The following TENM4 variants were observed in gnomAD, a reference collection of about 807,000 sequenced individuals.
The protein encoded by TENM4 is teneurin transmembrane protein 4.
Under a neutral mutation model 243.3 loss-of-function variants are expected in TENM4, and 82 were observed. That is an observed-to-expected ratio of 0.34 (90% CI 0.28 to 0.40). The LOEUF is 0.40. Ranked by LOEUF, TENM4 falls within the 10% of genes least tolerant of loss-of-function variation. The probability of loss-of-function intolerance (pLI) is 1.00; values close to 1 mark genes in which losing one functional copy is unlikely to be tolerated. For missense variants in TENM4, 3,138 were observed against 3,673.3 expected (o/e 0.85, Z 3.77); for synonymous variants, 1,412 against 1,456.3 (o/e 0.97, Z 0.69).
intron 4 of TENM4, among the ~76,000 whole-genome samples, chr11:79,099,786 C>T (rs79474413): frequency 0.011 from 1,710 of 152,320 alleles, 29 homozygotes; most frequent in South Asian, 0.038. Flanking sequence ...TGACAGAGAG[C>T]ACAGCAAGCT....
chr11:79,133,563 G>A (rs1862052027), intron 4 of TENM4, among the ~76,000 whole-genome samples: 1 of 151,790 alleles, frequency 6.6e-6, no homozygotes, highest in Non-Finnish European at 1.5e-5. Flanking sequence ...GAAAACTATG[G>A]ACCAATAATC....
At chr11:78,777,480 A>T (rs904065757) in intron 17 of TENM4, among the ~76,000 whole-genome samples, 4 of 152,230 alleles carry the variant, frequency 2.6e-5, no homozygotes, top group African/African-American at 9.6e-5. Context: ...TTAGCTAATG[A>T]AGTCCTTCTT....
chr11:79,160,046 ATTCT>A lies in TENM4; in HGVS notation c.-162-11244_-162-11241del, dbSNP rs1374800536. Among the ~76,000 whole-genome samples, 10 of 151,266 alleles carry A rather than the reference ATTCT, an allele frequency of 6.6e-5. No homozygotes were observed. The East Asian group carries it at 2.0e-3, about 30-fold the overall frequency. ...AGTAAATCATTCATTTACCATTTTCATTCTTTCTATCCTTCATTCACTCCCTTCT... is the reference window on the plus strand; with the variant it reads ...AGTAAATCATTCATTTACCATTTTCATTCTATCCTTCATTCACTCCCTTCT... On this transcript the variant is annotated intron_variant, in intron 3 of 33. Transcript: ENST00000278550.
chr11:79,157,465 C>T (rs1405434586), intron 3 of TENM4, among the ~76,000 whole-genome samples: 1 of 152,150 alleles, frequency 6.6e-6, no homozygotes, highest in African/African-American at 2.4e-5. Context: ...GTGCCGAGTC[C>T]CTACAGCATG....
At chr11:79,088,166 G>C (rs1202146734) in intron 4 of TENM4, among the ~76,000 whole-genome samples, 1 of 152,202 alleles carries the variant, frequency 6.6e-6, no homozygotes, top group Non-Finnish European at 1.5e-5. Flanking sequence ...AAATGTACCA[G>C]TCTTGGAGGC....
chr11:78,670,631 G>A, intron 31 of TENM4, 80 bp from the exon 32 acceptor site: 1 of 1,376,462 alleles, frequency 7.3e-7, no homozygotes, highest in Non-Finnish European at 9.9e-7. Context: ...GACTTAAAGG[G>A]ACGGAATGAA....
intron 7 of TENM4, among the ~76,000 whole-genome samples, chr11:78,901,764 G>A (rs1253571168): frequency 6.6e-6 from 1 of 152,156 alleles, no homozygotes; most frequent in East Asian, 1.9e-4. Flanking sequence ...CTCTGTTACT[G>A]ATGAGGCACA....
chr11:78,666,927 A>G (rs1034701819), intron 32 of TENM4, among the ~76,000 whole-genome samples: 82 of 152,278 alleles, frequency 5.4e-4, no homozygotes, highest in African/African-American at 1.9e-3. Flanking sequence ...GGAGGGAGTA[A>G]TATTTTGGAA....
intron 18 of TENM4, among the ~76,000 whole-genome samples, chr11:78,767,529 T>C (rs969209092): frequency 6.6e-6 from 1 of 152,222 alleles, no homozygotes; most frequent in Non-Finnish European, 1.5e-5. Context: ...CCAGGCCATG[T>C]AATGACTTTC....
At chr11:79,425,641 C>T (rs915664834) in intron 1 of TENM4, among the ~76,000 whole-genome samples, 11 of 152,214 alleles carry the variant, frequency 7.2e-5, no homozygotes, top group Non-Finnish European at 1.2e-4. Context: ...CTGTGCTCAG[C>T]ACACAGTAGG....
chr11:79,218,203 GC>G lies in TENM4; in HGVS notation c.-264-2295del, dbSNP rs1322925427. Among the ~76,000 whole-genome samples, 11 of 151,512 alleles carry G rather than the reference GC, an allele frequency of 7.3e-5. No homozygotes were observed. In the South Asian group the frequency reaches 1.9e-3, roughly 26 times the overall value. On this transcript the variant is annotated intron_variant, in intron 2 of 33. Coordinates refer to ENST00000278550, the MANE Select transcript of TENM4 (RefSeq NM_001098816.3). Reference sequence around the variant, plus strand: ...TTACATCTTTAATTTTTATTACCCTGCCTTGTTCATTAGAAGTTTACCCCCT... The same window carrying G: ...TTACATCTTTAATTTTTATTACCCTGCTTGTTCATTAGAAGTTTACCCCCT...
chr11:79,293,909 G>A (rs1002013390), intron 2 of TENM4, among the ~76,000 whole-genome samples: 2 of 152,174 alleles, frequency 1.3e-5, no homozygotes, highest in African/African-American at 4.8e-5. Context: ...TAGATAATGG[G>A]CATGGACCTG....
chr11:79,132,112 G>T (rs1862014771), intron 4 of TENM4, among the ~76,000 whole-genome samples: 2 of 151,880 alleles, frequency 1.3e-5, no homozygotes, highest in Admixed American at 6.6e-5. Flanking sequence ...GGAGGCCAAG[G>T]TGGGCGGATC....
At chr11:78,690,463 T>C (rs531544169) in intron 28 of TENM4, among the ~76,000 whole-genome samples, 1 of 152,306 alleles carries the variant, frequency 6.6e-6, no homozygotes, top group East Asian at 1.9e-4. Flanking sequence ...TTTCCATGCT[T>C]TAAAAATAAT....
At chr11:78,901,839 G>A (rs1855935236) in intron 7 of TENM4, among the ~76,000 whole-genome samples, 1 of 152,204 alleles carries the variant, frequency 6.6e-6, no homozygotes, top group Non-Finnish European at 1.5e-5. Flanking sequence ...AGAGACTGGA[G>A]GCGGGAGCGG....
At chr11:79,418,208 T>C (rs888070602) in intron 1 of TENM4, among the ~76,000 whole-genome samples, 5 of 152,216 alleles carry the variant, frequency 3.3e-5, no homozygotes, top group African/African-American at 1.2e-4. Context: ...AACAGTTGCA[T>C]CTGACCAATG....
intron 6 of TENM4, among the ~76,000 whole-genome samples, chr11:79,056,740 C>T (rs1230904513): frequency 2.6e-5 from 4 of 152,162 alleles, no homozygotes; most frequent in South Asian, 4.2e-4. Context: ...CAGGATGGAG[C>T]GTGGTGGGAG....
chr11:79,281,127 C>T (rs1476966281), intron 2 of TENM4, among the ~76,000 whole-genome samples: 2 of 152,212 alleles, frequency 1.3e-5, no homozygotes, highest in African/African-American at 2.4e-5. Flanking sequence ...GCACCTCAGC[C>T]TTCCGGGAGC....
chr11:79,122,018 C>G (rs1215767456), intron 4 of TENM4, among the ~76,000 whole-genome samples: 1 of 152,116 alleles, frequency 6.6e-6, no homozygotes, highest in Non-Finnish European at 1.5e-5. Context: ...TGTTTCCCCA[C>G]CGCTCAAGAA....
Sources: gnomAD v4.1 joint callset for allele counts (sites outside exome capture counted in the v4.1 genomes callset) on GRCh38, gnomAD v4.1.1 for gene constraint, MANE v1.5 for transcripts, NCBI Gene and HGNC (gene_info 2026-07-23, HGNC 2026-07-21) for gene names.